TNFRSF1B: variants seen among roughly 807,000 people sequenced by gnomAD.
The protein encoded by TNFRSF1B is TNF receptor superfamily member 1B.
TNFRSF1B carries 19 observed loss-of-function variants against 44.6 expected under a neutral mutation model. The ratio of observed to expected loss-of-function variants is 0.43; its 90% confidence interval spans 0.30 to 0.62. TNFRSF1B has a LOEUF of 0.62. Ranked by LOEUF, TNFRSF1B falls within the 20% of genes least tolerant of loss-of-function variation. The pLI, the probability that TNFRSF1B is intolerant of heterozygous loss-of-function variation, is 0.16. For missense variants in TNFRSF1B, 541 were observed against 619.9 expected, an observed-to-expected ratio of 0.87 and a Z score of 1.35; for synonymous variants, 252 against 261.1, an observed-to-expected ratio of 0.97 and a Z score of 0.34.
intron 1 of TNFRSF1B, among the ~76,000 whole-genome samples, chr1:12,179,548 C>T (rs1446551085): frequency 6.6e-6 from 1 of 152,242 alleles, no homozygotes. Context: ...CTCCCCACAG[C>T]TTTGGCCCCT....
In TNFRSF1B at chr1:12,177,256, C is replaced by A. The variant is rs904386431; in HGVS notation, c.78+10087C>A. Among the ~76,000 whole-genome samples, 2 of 152,170 alleles carry A rather than the reference C, an allele frequency of 1.3e-5. No homozygotes were observed. Among genetic ancestry groups the A allele is most frequent in the Non-Finnish European group, 2.9e-5 (2 of 68,020 alleles). On this transcript the variant is annotated intron_variant, in intron 1 of 9. Transcript: ENST00000376259. The surrounding 1 kb of genome is among the most constrained non-coding windows in gnomAD (Gnocchi z 4.3). ...TCCTGACCTCAGGTGATCCACCTGCCTTGGCCTCCCAGAGTGCTGGGATTA... is the reference window on the plus strand; with the variant it reads ...TCCTGACCTCAGGTGATCCACCTGCATTGGCCTCCCAGAGTGCTGGGATTA...
At chr1:12,191,443 C>T (rs5746019) in intron 3 of TNFRSF1B, among the ~76,000 whole-genome samples, 2,087 of 150,888 alleles carry the variant, frequency 0.014, 16 homozygotes, top group Middle Eastern at 0.031. Context: ...AGGAGCGGCA[C>T]TGCGGGGAGG....
intron 1 of TNFRSF1B, among the ~76,000 whole-genome samples, chr1:12,175,054 G>T (rs537557446): frequency 2.6e-5 from 4 of 152,346 alleles, no homozygotes; most frequent in Non-Finnish European, 5.9e-5. Context: ...GAATCAGTGC[G>T]CCTGAGTGGG....
intron 7 of TNFRSF1B, 37 bp downstream of exon 7, chr1:12,194,069 C>G: frequency 6.3e-7 from 1 of 1,589,094 alleles, no homozygotes; most frequent in Non-Finnish European, 8.6e-7. Flanking sequence ...TCCACTTGTT[C>G]AGGAAGCTTT....
intron 1 of TNFRSF1B, among the ~76,000 whole-genome samples, chr1:12,181,269 G>C (rs1638798089): frequency 6.6e-6 from 1 of 152,166 alleles, no homozygotes; most frequent in African/African-American, 2.4e-5. Context: ...CCAGTTCTTG[G>C]CTAAAACCAA....
chr1:12,183,751 AG>A (rs1557629274), intron 1 of TNFRSF1B, among the ~76,000 whole-genome samples: 11,136 of 123,822 alleles, frequency 0.09, 764 homozygotes, highest in Non-Finnish European at 0.13. Flanking sequence ...CTATCTATCT[AG>A]CTAGCTAGCT....
At chr1:12,188,505 T>G (rs1333015013) in intron 1 of TNFRSF1B, among the ~76,000 whole-genome samples, 1 of 152,180 alleles carries the variant, frequency 6.6e-6, no homozygotes, top group East Asian at 1.9e-4. Context: ...CTTCTGGATA[T>G]CTGTCCCATG....
In TNFRSF1B at chr1:12,178,410, G is replaced by A. The variant is rs1489718994; in HGVS notation, c.79-10386G>A. Among the ~76,000 whole-genome samples the A allele has an allele frequency of 1.3e-5, 2 of 152,146 alleles. No individual in the cohort carries two copies. The highest frequency in any genetic ancestry group is 2.1e-4 in the South Asian group (1 of 4,828). On this transcript the variant is annotated intron_variant, in intron 1 of 9. Coordinates refer to ENST00000376259, the MANE Select transcript of TNFRSF1B (RefSeq NM_001066.3). This position sits in a 1 kb window ranked among gnomAD's most constrained non-coding sequence, Gnocchi z 4.3. ...CTGTGAAGGGGGCACTGTTTCTGTC[G>A]CCATTTTATAGATGATAAAGTGGAG...
chr1:12,175,627 G>A (rs1371766356), intron 1 of TNFRSF1B, among the ~76,000 whole-genome samples: 3 of 152,016 alleles, frequency 2.0e-5, no homozygotes, highest in Admixed American at 6.5e-5. Context: ...CCTGAGCCTC[G>A]CAAGCCCCTA....
chr1:12,202,786 C>T (rs1639422501), intron 9 of TNFRSF1B, among the ~76,000 whole-genome samples: 1 of 152,206 alleles, frequency 6.6e-6, no homozygotes, highest in Non-Finnish European at 1.5e-5. Context: ...AACTGAGCCC[C>T]AGAGAGGTTA....
chr1:12,202,266 A>G lies in TNFRSF1B; in HGVS notation c.1105+95A>G, dbSNP rs930294210. ...GCCATCTCCTCCTGAGCCTCCCCGC[A>G]GGGTGGGACGAGGCCTGAGCCACAG... On this transcript the variant is annotated intron_variant, in intron 9 of 9. Coordinates refer to ENST00000376259, the MANE Select transcript of TNFRSF1B (RefSeq NM_001066.3). The G allele has an allele frequency of 2.2e-5, 32 of 1,485,012 alleles. No individual in the cohort carries two copies. The Admixed American group carries it at 6.8e-4, about 32-fold the overall frequency. 92.0% of individuals were successfully genotyped at this position (1,485,012 alleles called of 1,614,324 possible).
In TNFRSF1B at chr1:12,180,464, A is replaced by T. The variant is rs1032123537; in HGVS notation, c.79-8332A>T. ...GAGGGCCCCCACCTCGGGTACTTGCAGGGCCTTGGCCTGGGAACAGGACAA... is the reference window on the plus strand; with the variant it reads ...GAGGGCCCCCACCTCGGGTACTTGCTGGGCCTTGGCCTGGGAACAGGACAA... On this transcript the variant is annotated intron_variant, in intron 1 of 9. Transcript: ENST00000376259. The surrounding 1 kb of genome is among the most constrained non-coding windows in gnomAD (Gnocchi z 4.3). Among the ~76,000 whole-genome samples, 2 of 152,190 alleles carry T rather than the reference A, an allele frequency of 1.3e-5. No individual in the cohort carries two copies. The highest frequency in any genetic ancestry group is 2.9e-5 in the Non-Finnish European group (2 of 68,036).
At position 12,192,903 on chromosome 1, in the gene TNFRSF1B, G is replaced by A. The variant is rs1412009344; in HGVS notation, c.592G>A (p.Ala198Thr). The A allele has an allele frequency of 6.2e-7, 1 of 1,614,142 alleles. No homozygotes were observed. The highest frequency in any genetic ancestry group is 1.3e-5 in the African/African-American group (1 of 75,030). ...CATCCCTGGGAATGCAAGCATGGAT[G>A]CAGTCTGCACGTCCACGTCCCCCAC... is the stretch of plus-strand genomic sequence containing the variant. The part of the protein sequence containing the change: ...VAIPGNASMD[A>T]VCTSTSPTRS... The change falls in exon 6 of 10, where the codon GCA becomes ACA. Residue 198 changes from alanine (A) to threonine (T), a missense_variant. By Grantham distance (58) the Ala-to-Thr change is moderately conservative. Coordinates refer to ENST00000376259, the MANE Select transcript of TNFRSF1B (RefSeq NM_001066.3).
chr1:12,184,898 G>T (rs1401869927), intron 1 of TNFRSF1B, among the ~76,000 whole-genome samples: 1 of 152,206 alleles, frequency 6.6e-6, no homozygotes, highest in Admixed American at 6.5e-5. Context: ...CCACTGTGCG[G>T]GGTGGGGGGC....
At chr1:12,193,296 G>C (rs1159608660) in intron 6 of TNFRSF1B, 198 bp downstream of exon 6, 18 of 696,180 alleles carry the variant, frequency 2.6e-5, no homozygotes, top group Admixed American at 6.0e-5. Flanking sequence ...GCGTGGGCTG[G>C]ATGCAGTGGC....
intron 1 of TNFRSF1B, among the ~76,000 whole-genome samples, chr1:12,185,989 G>A (rs888966385): frequency 2.0e-5 from 3 of 152,190 alleles, no homozygotes; most frequent in African/African-American, 7.2e-5. Flanking sequence ...AGGAGGGAGG[G>A]TACTGCCTGA....
Position 12,188,881 on chromosome 1 carries a change from G to C in TNFRSF1B, c.164G>C (p.Ser55Thr). Reference protein sequence around the residue: ...YYDQTAQMCCSKCSPGQHAKV... With the variant: ...YYDQTAQMCCTKCSPGQHAKV... ...GACCAGACAGCTCAGATGTGCTGCA[G>C]CAAATGCTCGCCGGGTGAGGGCAGC... The change falls in exon 2 of 10, where the codon AGC becomes ACC. Residue 55 changes from serine to threonine, a missense_variant. Ser to Thr is a moderately conservative substitution (Grantham distance 58, BLOSUM62 1). Transcript: ENST00000376259. The C allele has an allele frequency of 9.9e-6, 16 of 1,613,490 alleles. No individual in the cohort carries two copies. Among genetic ancestry groups the C allele is most frequent in the Non-Finnish European group, 1.4e-5 (16 of 1,179,814 alleles).
intron 8 of TNFRSF1B, among the ~76,000 whole-genome samples, chr1:12,195,091 G>C (rs1639237076): frequency 6.6e-6 from 1 of 152,224 alleles, no homozygotes; most frequent in Non-Finnish European, 1.5e-5. Context: ...GAGGGCCCTT[G>C]GGCGTGGGGG....
intron 8 of TNFRSF1B, among the ~76,000 whole-genome samples, chr1:12,194,852 A>G (rs996997017): frequency 1.3e-5 from 2 of 152,222 alleles, no homozygotes; most frequent in African/African-American, 4.8e-5. Context: ...CGTTCGTGGC[A>G]GGCACGTGGT....
Sources: gnomAD v4.1 joint callset for allele counts (sites outside exome capture counted in the v4.1 genomes callset) on GRCh38, gnomAD v4.1.1 for gene constraint, Gnocchi (gnomAD v3.1) non-coding constraint, MANE v1.5 for transcripts, NCBI Gene and HGNC (gene_info 2026-07-23, HGNC 2026-07-21) for gene names.